Variants in TNNI3K observed in about 807,000 individuals in gnomAD.
The protein encoded by TNNI3K is serine/threonine-protein kinase TNNI3K.
A neutral mutation model predicts 114.5 loss-of-function variants in TNNI3K; 140 were observed. The observed-to-expected ratio is 1.22, with a 90% CI of 1.07 to 1.41. The LOEUF is 1.41. Ranked by LOEUF, TNNI3K falls within the 40% of genes most tolerant of loss-of-function variation. TNNI3K has a pLI of 0.00. For synonymous variants in TNNI3K, 347 were observed against 347.5 expected (o/e 1.00, Z 0.02); for missense variants, 1,125 against 1,007.6 (o/e 1.12, Z -1.58).
At chr1:74,406,066 T>C (rs2100600978) in intron 17 of TNNI3K, among the ~76,000 whole-genome samples, 1 of 152,354 alleles carries the variant, frequency 6.6e-6, no homozygotes, top group East Asian at 1.9e-4. Context: ...GATGGGTCAG[T>C]TGATCTCCTA....
At chr1:74,365,057 A>G (rs1471170796) in intron 11 of TNNI3K, among the ~76,000 whole-genome samples, 1 of 152,088 alleles carries the variant, frequency 6.6e-6, no homozygotes, top group Non-Finnish European at 1.5e-5. Flanking sequence ...AGGAGTTTCC[A>G]AGTTCACCTA....
chr1:74,274,262 C>G (rs541086), intron 5 of TNNI3K, among the ~76,000 whole-genome samples: 150,711 of 152,072 alleles, frequency 0.99, 74,699 homozygotes, highest in Middle Eastern at 1. Context: ...GTCTTCATCA[C>G]CATTGCCTTC....
intron 20 of TNNI3K, 71 bp from the exon 21 acceptor site, chr1:74,463,370 G>C: frequency 6.6e-7 from 1 of 1,517,730 alleles, no homozygotes; most frequent in Non-Finnish European, 9.1e-7. Context: ...CTTTTTGTGT[G>C]TGTGTGTCTT....
At chr1:74,434,847 T>G (rs1666053988) in intron 17 of TNNI3K, among the ~76,000 whole-genome samples, 1 of 152,004 alleles carries the variant, frequency 6.6e-6, no homozygotes, top group South Asian at 2.1e-4. Context: ...TCAGTAGCAA[T>G]TACAAGAGAA....
chr1:74,378,629 T>C (rs950547453), intron 17 of TNNI3K: 2 of 135,788 alleles, frequency 1.5e-5, no homozygotes, highest in Admixed American at 7.4e-5. Flanking sequence ...TATATATATA[T>C]ATATATATAT....
intron 23 of TNNI3K, among the ~76,000 whole-genome samples, chr1:74,530,188 G>A (rs1646562585): frequency 6.6e-6 from 1 of 152,178 alleles, no homozygotes; most frequent in Admixed American, 6.5e-5. Context: ...TCACACTCAT[G>A]TCTGTATTCC....
intron 23 of TNNI3K, among the ~76,000 whole-genome samples, chr1:74,509,490 A>G (rs573041926): frequency 1.3e-5 from 2 of 152,326 alleles, no homozygotes; most frequent in South Asian, 2.1e-4. Context: ...AATGATTTTC[A>G]TTTTATTTTA....
At chr1:74,314,935 C>CTT (rs1485099202) in intron 5 of TNNI3K, among the ~76,000 whole-genome samples, 1 of 151,966 alleles carries the variant, frequency 6.6e-6, no homozygotes, top group African/African-American at 2.4e-5. Context: ...CAATTTGAAA[C>CTT]TTTTGTTTCT....
chr1:74,462,303 T>TC (rs1667485885), intron 20 of TNNI3K, among the ~76,000 whole-genome samples: 1 of 152,186 alleles, frequency 6.6e-6, no homozygotes, highest in Non-Finnish European at 1.5e-5. Flanking sequence ...GTAGAGGTAG[T>TC]AGTTGTGGCT....
chr1:74,472,368 C>G (rs1667978508), intron 21 of TNNI3K, among the ~76,000 whole-genome samples: 2 of 152,106 alleles, frequency 1.3e-5, no homozygotes. Flanking sequence ...ATTTGTCAGT[C>G]CCATATGTTT....
chr1:74,257,001 A>G (rs897698312), intron 4 of TNNI3K, among the ~76,000 whole-genome samples: 3 of 152,162 alleles, frequency 2.0e-5, no homozygotes, highest in Non-Finnish European at 4.4e-5. Context: ...AATTTTGACC[A>G]TTAGTTTTTC....
chr1:74,489,311 G>A, intron 22 of TNNI3K, 63 bp downstream of exon 22: 2 of 1,523,468 alleles, frequency 1.3e-6, no homozygotes, highest in African/African-American at 1.4e-5. Context: ...GGCTGTCAGG[G>A]AATGTAGATG....
chr1:74,239,335 TACTC>T (rs1259777782), intron 2 of TNNI3K, among the ~76,000 whole-genome samples: 1 of 152,138 alleles, frequency 6.6e-6, no homozygotes, highest in African/African-American at 2.4e-5. Flanking sequence ...TAAATTGTCT[TACTC>T]ACTCATTCAC....
chr1:74,436,044 C>T, intron 17 of TNNI3K, 36 bp from the exon 18 acceptor site: 3 of 1,576,706 alleles, frequency 1.9e-6, no homozygotes, highest in Non-Finnish European at 2.6e-6. Flanking sequence ...GCAAAGCTTA[C>T]TCAATGTCTA....
At chr1:74,281,465 A>G (rs1049072369) in intron 5 of TNNI3K, among the ~76,000 whole-genome samples, 6 of 152,022 alleles carry the variant, frequency 3.9e-5, no homozygotes, top group Non-Finnish European at 7.4e-5. Flanking sequence ...TTTTACTGTT[A>G]TATAGTTGTA....
Position 74,367,325 on chromosome 1 carries a change from A to G in TNNI3K, c.1247A>G (p.Tyr416Cys). 2 of 1,612,158 alleles carry G rather than the reference A, an allele frequency of 1.2e-6. No homozygotes were observed. Among genetic ancestry groups the G allele is most frequent in the Non-Finnish European group, 1.7e-6 (2 of 1,178,700 alleles). The change falls in exon 12 of 25, where the codon TAT (tyrosine) becomes TGT (cysteine). Residue 416 changes from tyrosine to cysteine, a missense_variant. Tyr to Cys is a radical substitution (Grantham distance 194). Transcript: ENST00000326637. ...CAAGATGAATTGCCCTGTAATGAAT[A>G]TTCTCAGCCTGGAGGAGGTACCCCT... ...RPQDELPCNEYSQPGGDGSYV... is the reference protein window; with the variant it reads ...RPQDELPCNECSQPGGDGSYV...
chr1:74,354,856 T>G (rs1661570853), intron 11 of TNNI3K, among the ~76,000 whole-genome samples: 1 of 152,202 alleles, frequency 6.6e-6, no homozygotes, highest in African/African-American at 2.4e-5. Flanking sequence ...AATTGCTATT[T>G]TAGTGTGATA....
intron 17 of TNNI3K, chr1:74,373,705 A>G (rs541226209): frequency 2.6e-4 from 40 of 151,986 alleles, no homozygotes; most frequent in Admixed American, 7.2e-4. Context: ...AACTTGCCCA[A>G]TAACTTTTAT....
At chr1:74,367,483 C>T (rs1158112165) in intron 12 of TNNI3K, 141 bp downstream of exon 12, 3 of 879,592 alleles carry the variant, frequency 3.4e-6, no homozygotes, top group South Asian at 3.9e-5. Context: ...TTTAAGTAAC[C>T]TTATGTCTGG....
Sources: gnomAD v4.1 joint callset for allele counts (sites outside exome capture counted in the v4.1 genomes callset) on GRCh38, gnomAD v4.1.1 for gene constraint, MANE v1.5 for transcripts, NCBI Gene and HGNC (gene_info 2026-07-23, HGNC 2026-07-21) for gene names.